The following STRN variants were observed in gnomAD, a reference collection of about 807,000 sequenced individuals.
The protein encoded by STRN is protein phosphatase 2 regulatory subunit B'''alpha.
Under a neutral mutation model 96.3 loss-of-function variants are expected in STRN, and 53 were observed. The observed-to-expected ratio is 0.55, with a 90% CI of 0.44 to 0.69. The LOEUF (loss-of-function observed/expected upper bound fraction) is 0.69. Among genes scored for constraint, STRN ranks in the 30% least tolerant of loss-of-function variants. The pLI is 0.00. For missense variants in STRN, 987 were observed against 963.9 expected (o/e 1.02, Z -0.32); for synonymous variants, 428 against 355.9 (o/e 1.20, Z -2.28).
chr2:36,915,025 G>A (rs1376370374), intron 3 of STRN, among the ~76,000 whole-genome samples: 2 of 151,148 alleles, frequency 1.3e-5, no homozygotes, highest in Non-Finnish European at 3.0e-5. Flanking sequence ...GTGAAACCCC[G>A]TCTCTATTAA....
intron 3 of STRN, among the ~76,000 whole-genome samples, chr2:36,907,600 A>G (rs1207729525): frequency 6.6e-6 from 1 of 152,234 alleles, no homozygotes; most frequent in African/African-American, 2.4e-5. Context: ...TTAAAAACAC[A>G]TACATTATCT....
At chr2:36,872,218 T>A (rs1668779386) in intron 10 of STRN, among the ~76,000 whole-genome samples, 2 of 152,224 alleles carry the variant, frequency 1.3e-5, no homozygotes, top group Non-Finnish European at 2.9e-5. Context: ...ACATCTTCCA[T>A]CTTGGGTATT....
In STRN at chr2:36,841,930, G is replaced by A. The variant is rs1667962722; in HGVS notation, c.*7526C>T. 1 of 152,194 alleles carries A rather than the reference G, an allele frequency of 6.6e-6. No individual in the cohort carries two copies. 9.4% of individuals were successfully genotyped at this position (152,194 alleles called of 1,614,324 possible). On this transcript the variant is annotated 3_prime_UTR_variant, in exon 18 of 18. Coordinates refer to ENST00000263918, the MANE Select transcript of STRN (RefSeq NM_003162.4). The stretch of plus-strand genomic sequence containing the variant: ...AAGACAATGTGGCTCAGGCCACAGG[G>A]TCAGTTGCTTCTCCTTTTTGGTAAG...
chr2:36,901,181 G>A (rs1450755138), intron 5 of STRN, among the ~76,000 whole-genome samples: 2 of 152,062 alleles, frequency 1.3e-5, no homozygotes, highest in African/African-American at 4.8e-5. Flanking sequence ...ACAAATCAAG[G>A]CCAAAACACA....
In STRN at chr2:36,886,725, C is replaced by T. The variant is rs774570873; in HGVS notation, c.1033G>A (p.Gly345Arg). 2.5e-6 allele frequency: 4 copies of T among 1,609,164 alleles called. No individual in the cohort carries two copies. Among genetic ancestry groups the T allele is most frequent in the Non-Finnish European group, 3.4e-6 (4 of 1,177,312 alleles). Residue 345 changes from glycine (G) to arginine (R), a missense_variant, in exon 8 of 18, where the codon GGG becomes AGG. Transcript: ENST00000263918. ...AATGTTTTCCACTTACTCTTCACCC[C>T]CTTTTTCCCCTTTCTCTCCTTTTTG... ...QYKKERKGKKGVKRPNRSKLQ... is the reference protein window; with the variant it reads ...QYKKERKGKKRVKRPNRSKLQ...
intron 1 of STRN, among the ~76,000 whole-genome samples, chr2:36,959,886 G>C (rs1406796308): frequency 6.6e-6 from 1 of 152,102 alleles, no homozygotes; most frequent in Non-Finnish European, 1.5e-5. Flanking sequence ...ATTGATCTGG[G>C]GTAGAGTCCA....
chr2:36,849,116 T>C lies in STRN; in HGVS notation c.*340A>G, dbSNP rs1668153728. ...AGCTATCAAGCTTTTAAATTATCCA[T>C]TGTAGCATGCCCTACTTACTCAACA... is the stretch of plus-strand genomic sequence containing the variant. On this transcript the variant is annotated 3_prime_UTR_variant, in exon 18 of 18. Transcript: ENST00000263918. 9.3e-6 allele frequency: 2 copies of C among 215,422 alleles called. No homozygotes were observed. Among genetic ancestry groups the C allele is most frequent in the Non-Finnish European group, 1.9e-5 (2 of 107,192 alleles). The allele number at this position is 215,422 out of a possible 1,614,324, so 13.3% of individuals were successfully genotyped here.
intron 1 of STRN, among the ~76,000 whole-genome samples, chr2:36,936,486 G>A (rs1670704880): frequency 2.0e-5 from 3 of 152,118 alleles, no homozygotes; most frequent in Admixed American, 1.3e-4. Flanking sequence ...CTAAGTGAAT[G>A]AACACGTAAT....
At chr2:36,925,321 A>G in intron 1 of STRN, 113 bp from the exon 2 acceptor site, 1 of 685,158 alleles carries the variant, frequency 1.5e-6, no homozygotes, top group Non-Finnish European at 2.5e-6. Context: ...TATTTCCTTT[A>G]CACATTTCTC....
intron 1 of STRN, among the ~76,000 whole-genome samples, chr2:36,933,198 TAAC>T (rs1211214185): frequency 2.6e-5 from 4 of 152,112 alleles, no homozygotes. Flanking sequence ...AAATACAGTA[TAAC>T]AACTTTTCAC....
chr2:36,943,628 C>A (rs1670902882), intron 1 of STRN, among the ~76,000 whole-genome samples: 1 of 151,598 alleles, frequency 6.6e-6, no homozygotes, highest in South Asian at 2.1e-4. Flanking sequence ...CACAGTGAAA[C>A]CCCATCTCTA....
rs540005400 is a variant in STRN at position 36,936,445 on chromosome 2, C to T, written c.235-11237G>A. ...GAGAGAAATTCATGCTTATGGAACA[C>T]GATTTATATTCTGTGAAGTATTAAC... On this transcript the variant is annotated intron_variant, in intron 1 of 17. Coordinates refer to ENST00000263918, the MANE Select transcript of STRN (RefSeq NM_003162.4). 2.0e-5 allele frequency among the ~76,000 whole-genome samples: 3 copies of T among 152,234 alleles called. No individual in the cohort carries two copies. In the Middle Eastern group the frequency reaches 0.01, roughly 518 times the overall value.
In STRN at chr2:36,905,634, T is replaced by TAAAAAA; in HGVS notation, c.413-17_413-16insTTTTTT. ...TTACCTTCATCTAGAAAACATTAAG[T>TAAAAAA]CATAATAAAACTGACTTGTTTTACG... On this transcript the variant is annotated splice_polypyrimidine_tract_variant and intron_variant, in intron 3 of 17. Coordinates refer to ENST00000263918, the MANE Select transcript of STRN (RefSeq NM_003162.4). The TAAAAAA allele has an allele frequency of 6.2e-7, 1 of 1,610,866 alleles. No homozygotes were observed.
Position 36,872,480 on chromosome 2 carries a change from C to T in STRN, c.1324-2751G>A, listed in dbSNP as rs185840346. On this transcript the variant is annotated intron_variant, in intron 10 of 17. Transcript: ENST00000263918. The stretch of plus-strand genomic sequence containing the variant: ...TTGGAGACCCTAAGACAGAATCACC[C>T]GGCTAAACTGCTTCTGTATTCCTGA... Among the ~76,000 whole-genome samples the T allele has an allele frequency of 4.6e-5, 7 of 152,244 alleles. No individual in the cohort carries two copies. The East Asian group carries it at 5.8e-4, about 13-fold the overall frequency.
chr2:36,863,878 G>A (rs1383298484), intron 12 of STRN, among the ~76,000 whole-genome samples: 1 of 151,972 alleles, frequency 6.6e-6, no homozygotes, highest in East Asian at 1.9e-4. Context: ...TCACCTCCAT[G>A]GTTAGCTATA....
chr2:36,930,485 G>C (rs551863019), intron 1 of STRN, among the ~76,000 whole-genome samples: 2 of 150,758 alleles, frequency 1.3e-5, no homozygotes, highest in East Asian at 1.9e-4. Context: ...TTTACCATCA[G>C]AATCACCCAG....
chr2:36,895,936 A>G (rs1394970056), intron 6 of STRN, among the ~76,000 whole-genome samples: 1 of 152,038 alleles, frequency 6.6e-6, no homozygotes, highest in Admixed American at 6.6e-5. Context: ...AAAAAAAGAA[A>G]AAAAACAGGT....
intron 1 of STRN, among the ~76,000 whole-genome samples, chr2:36,935,321 CA>C (rs981833082): frequency 6.6e-6 from 1 of 151,872 alleles, no homozygotes; most frequent in Non-Finnish European, 1.5e-5. Context: ...AAAAACAAAA[CA>C]AAAAAACCTC....
At chr2:36,894,161 T>C (rs1290330309) in intron 6 of STRN, 128 bp from the exon 7 acceptor site, 1 of 1,035,816 alleles carries the variant, frequency 9.7e-7, no homozygotes, top group Non-Finnish European at 1.3e-6. Flanking sequence ...CCTAACTCAG[T>C]GAAAATCACA....
Sources: allele counts gnomAD v4.1 joint callset (sites outside exome capture counted in the v4.1 genomes callset), GRCh38; gene constraint gnomAD v4.1.1; transcripts MANE v1.5; gene names NCBI Gene and HGNC (gene_info 2026-07-23, HGNC 2026-07-21).